Variants in CARD8 observed in about 807,000 individuals in gnomAD.
The protein encoded by CARD8 is caspase recruitment domain-containing protein 8.
A neutral mutation model predicts 53.2 loss-of-function variants in CARD8; 38 were observed. The observed-to-expected ratio is 0.71, with a 90% CI of 0.55 to 0.94. The LOEUF (loss-of-function observed/expected upper bound fraction) is 0.94. Ranked by LOEUF, CARD8 falls within the 40% of genes least tolerant of loss-of-function variation. The pLI is 0.00. For missense variants in CARD8, 561 were observed against 655.5 expected (o/e 0.86, Z 1.57); for synonymous variants, 245 against 244.9 (o/e 1.00, Z 0.00).
chr19:48,215,331 T>C lies in CARD8; in HGVS notation c.1348+9A>G, dbSNP rs1017630574. 3.7e-6 allele frequency: 6 copies of C among 1,605,602 alleles called. No homozygotes were observed. In the Admixed American group the frequency reaches 5.0e-5, roughly 13 times the overall value. On this transcript the variant is annotated intron_variant, in intron 13 of 13. Coordinates refer to ENST00000651546, the MANE Select transcript of CARD8 (RefSeq NM_001184900.3). The stretch of plus-strand genomic sequence containing the variant: ...ATACCCTTGGCTTTAATGTAAACAT[T>C]TCACTTACCTGAGAAAGGAGGAGGG...
intron 5 of CARD8, among the ~76,000 whole-genome samples, chr19:48,237,663 A>G (rs755690235): frequency 6.6e-6 from 1 of 151,502 alleles, no homozygotes; most frequent in Non-Finnish European, 1.5e-5. Context: ...CAGGTGTGGT[A>G]GTGGGCACCT....
chr19:48,214,523 T>A (rs1428838346), intron 13 of CARD8, among the ~76,000 whole-genome samples: 3 of 152,090 alleles, frequency 2.0e-5, no homozygotes, highest in African/African-American at 7.2e-5. Flanking sequence ...ATGCCTCAAG[T>A]GAGCATGCGT....
At chr19:48,239,728 C>T (rs201396885) in intron 4 of CARD8, among the ~76,000 whole-genome samples, 18 of 152,178 alleles carry the variant, frequency 1.2e-4, no homozygotes, top group East Asian at 7.7e-4. Flanking sequence ...TGCCCGCCTC[C>T]GCCTCCCAAA....
intron 3 of CARD8, among the ~76,000 whole-genome samples, chr19:48,243,822 G>T (rs571193513): frequency 2.6e-5 from 4 of 152,298 alleles, no homozygotes; most frequent in South Asian, 2.1e-4. Context: ...CTGCATTCCA[G>T]TCTGGGCGAC....
chr19:48,225,231 C>T (rs1231651763), intron 10 of CARD8, among the ~76,000 whole-genome samples: 1 of 152,036 alleles, frequency 6.6e-6, no homozygotes, highest in Non-Finnish European at 1.5e-5. Context: ...TGGCTCACAC[C>T]TGTAATCTCA....
intron 8 of CARD8, 151 bp from the exon 9 acceptor site, chr19:48,231,157 A>T: frequency 1.6e-6 from 1 of 642,356 alleles, no homozygotes; most frequent in Non-Finnish European, 2.8e-6. Flanking sequence ...GGAGTTCATT[A>T]ACCTCTCTGG....
intron 1 of CARD8, among the ~76,000 whole-genome samples, chr19:48,254,093 G>T (rs997126397): frequency 3.3e-5 from 5 of 152,164 alleles, no homozygotes; most frequent in African/African-American, 1.2e-4. Flanking sequence ...CTGAATATAT[G>T]TACAATGAGT....
intron 4 of CARD8, among the ~76,000 whole-genome samples, chr19:48,240,307 G>C (rs184049428): frequency 6.6e-6 from 1 of 152,202 alleles, no homozygotes; most frequent in African/African-American, 2.4e-5. Flanking sequence ...CATGCTATGG[G>C]ATTGTCAAGA....
downstream of CARD8, chr19:48,204,119 C>G (rs1318132790): frequency 6.6e-6 from 3 of 453,752 alleles, no homozygotes; most frequent in East Asian, 2.1e-4. Flanking sequence ...TCCAAAGGGT[C>G]TGGGCGCCGG....
At chr19:48,204,006 G>T (rs187345094), downstream of CARD8, 1 of 367,570 alleles carries the variant, frequency 2.7e-6, no homozygotes, top group Admixed American at 3.3e-5. Context: ...CTCCATCTGA[G>T]CATGTGCAGG....
intron 3 of CARD8, among the ~76,000 whole-genome samples, chr19:48,249,039 A>C (rs931265395): frequency 6.6e-6 from 1 of 152,190 alleles, no homozygotes; most frequent in Non-Finnish European, 1.5e-5. Context: ...TCTACTAAAA[A>C]TACAAAAATT....
downstream of CARD8, chr19:48,206,483 A>G: frequency 2.2e-6 from 1 of 461,538 alleles, no homozygotes; most frequent in South Asian, 1.5e-5. Context: ...AGCCAGTTCT[A>G]GGCAAGATTG....
Position 48,221,735 on chromosome 19 carries a change from G to A in CARD8, c.1156C>T (p.Pro386Ser), listed in dbSNP as rs901370223. Residue 386 changes from proline (P) to serine (S), a missense_variant, in exon 11 of 14, where the codon CCC becomes TCC. Pro to Ser is a moderately conservative substitution (Grantham distance 74). Transcript: ENST00000651546. ...TGGGTTTGAATTCTACTAACCTTGG[G>A]CATTACTTTCAGGTTAGCAGAATTA... ...VSNSANLKVM[P>S]KELKLSYRSP... The A allele has an allele frequency of 5.7e-6, 9 of 1,586,362 alleles. No individual in the cohort carries two copies. Among genetic ancestry groups the A allele is most frequent in the Non-Finnish European group, 7.7e-6 (9 of 1,161,432 alleles).
chr19:48,228,230 G>A (rs973602609), intron 10 of CARD8, among the ~76,000 whole-genome samples: 1 of 152,222 alleles, frequency 6.6e-6, no homozygotes, highest in African/African-American at 2.4e-5. Context: ...ATTATGGTGA[G>A]TTGTGTAATT....
intron 5 of CARD8, 127 bp downstream of exon 5, chr19:48,238,256 A>G: frequency 7.2e-7 from 1 of 1,394,980 alleles, no homozygotes; most frequent in Non-Finnish European, 9.4e-7. Context: ...AACAAAGAAG[A>G]AAAGTAACAT....
At chr19:48,234,911 A>G (rs1417305989) in intron 5 of CARD8, among the ~76,000 whole-genome samples, 2 of 152,126 alleles carry the variant, frequency 1.3e-5, no homozygotes, top group Non-Finnish European at 2.9e-5. Context: ...TGAGATTCCT[A>G]ATTTGTAGTC....
At chr19:48,244,365 T>G (rs2045745309) in intron 3 of CARD8, among the ~76,000 whole-genome samples, 1 of 152,146 alleles carries the variant, frequency 6.6e-6, no homozygotes, top group South Asian at 2.1e-4. Context: ...AATTCACAGA[T>G]CCAAATGTTT....
Position 48,238,390 on chromosome 19 carries a change from T to C in CARD8, c.202A>G (p.Asn68Asp). The change falls in exon 5 of 14, where the codon AAT (asparagine) becomes GAT (aspartate). Residue 68 changes from asparagine to aspartate, a missense_variant. Transcript: ENST00000651546. ...IFFQAEACVT[N>D]DTVYRELPCV... is the part of the protein sequence containing the mutation. ...CAAATAGATGTCCCTTACGTATCAT[T>C]TGTCACACAGGCCTCAGCCTGAAAA... is the stretch of plus-strand genomic sequence containing the variant. 1 of 1,535,966 alleles carries C rather than the reference T, an allele frequency of 6.5e-7. No individual in the cohort carries two copies. Among genetic ancestry groups the C allele is most frequent in the Non-Finnish European group, 8.7e-7 (1 of 1,146,882 alleles).
In CARD8 at chr19:48,249,774, G is replaced by C. The variant is rs897831898; in HGVS notation, c.-178C>G. 3.9e-5 allele frequency: 6 copies of C among 152,498 alleles called. No homozygotes were observed. Among genetic ancestry groups the C allele is most frequent in the African/African-American group, 1.4e-4 (6 of 41,452 alleles). The allele number at this position is 152,498 out of a possible 1,614,324, so 9.4% of individuals were successfully genotyped here. ...ACCATGTGAGTTTCAGGAGCCCCAG[G>C]GTGCAGGAAGGAGGAGCGGAGGCTT... is the stretch of plus-strand genomic sequence containing the variant. On this transcript the variant is annotated 5_prime_UTR_variant, in exon 2 of 14. Transcript: ENST00000651546.
Sources: allele counts gnomAD v4.1 joint callset (sites outside exome capture counted in the v4.1 genomes callset), GRCh38; gene constraint gnomAD v4.1.1; transcripts MANE v1.5; gene names NCBI Gene and HGNC (gene_info 2026-07-23, HGNC 2026-07-21).